The following OSBPL6 variants were observed in gnomAD, a reference collection of about 807,000 sequenced individuals.
OSBPL6 encodes the protein oxysterol binding protein like 6, also known as oxysterol-binding protein-related protein 6.
In OSBPL6, 49 loss-of-function variants were observed where a neutral mutation model predicts 125.8. The ratio of observed to expected loss-of-function variants is 0.39; its 90% CI spans 0.31 to 0.49. The LOEUF (loss-of-function observed/expected upper bound fraction) is 0.49. Ranked by LOEUF, OSBPL6 falls within the 20% of genes least tolerant of loss-of-function variation. OSBPL6 has a pLI of 0.88. For missense variants in OSBPL6, 986 were observed against 1,135.4 expected (o/e 0.87, Z 1.89); for synonymous variants, 394 against 391.8 (o/e 1.01, Z -0.07).
intron 4 of OSBPL6, among the ~76,000 whole-genome samples, chr2:178,327,865 C>A (rs1434084): frequency 0.61 from 93,140 of 151,936 alleles, 29,506 homozygotes; most frequent in East Asian, 0.71. Context: ...AAAGCCAGGT[C>A]CACACACTAA....
Position 178,395,703 on chromosome 2 carries a change from T to C in OSBPL6, c.*144T>C. ...TTCTATTCATCTTTATAATGGACTT[T>C]CAGAAGTGCATTAGACAAGGCCCCT... On this transcript the variant is annotated 3_prime_UTR_variant, in exon 25 of 25. Coordinates refer to ENST00000190611, the MANE Select transcript of OSBPL6 (RefSeq NM_032523.4). 1 of 616,804 alleles carries C rather than the reference T, an allele frequency of 1.6e-6. No individual in the cohort carries two copies. The highest frequency in any genetic ancestry group is 1.7e-5 in the South Asian group (1 of 59,362). The allele number at this position is 616,804 out of a possible 1,614,324, so 38.2% of individuals were successfully genotyped here.
At chr2:178,260,375 GTA>G (rs2092019684) in intron 1 of OSBPL6, among the ~76,000 whole-genome samples, 1 of 152,060 alleles carries the variant, frequency 6.6e-6, no homozygotes, top group African/African-American at 2.4e-5. Context: ...ATATGTATAT[GTA>G]TATGTGTATG....
chr2:178,215,867 G>A (rs2090072726), intron 1 of OSBPL6, among the ~76,000 whole-genome samples: 2 of 152,138 alleles, frequency 1.3e-5, no homozygotes, highest in African/African-American at 4.8e-5. Flanking sequence ...AGGTGAAGGG[G>A]ACAAAAGATA....
chr2:178,195,100 C>A (rs1288909175), intron 1 of OSBPL6, among the ~76,000 whole-genome samples: 1 of 152,186 alleles, frequency 6.6e-6, no homozygotes, highest in South Asian at 2.1e-4. Flanking sequence ...AAAACCGAAC[C>A]GGCGCGGGTG....
intron 1 of OSBPL6, among the ~76,000 whole-genome samples, chr2:178,255,556 A>G (rs1028415664): frequency 6.6e-6 from 1 of 152,188 alleles, no homozygotes; most frequent in Non-Finnish European, 1.5e-5. Context: ...GTTCTCTGGT[A>G]TCAATACCAT....
intron 1 of OSBPL6, among the ~76,000 whole-genome samples, chr2:178,276,697 C>T (rs1387292746): frequency 2.0e-5 from 3 of 151,998 alleles, no homozygotes; most frequent in Non-Finnish European, 2.9e-5. Flanking sequence ...TATAAGTTTC[C>T]CTGAACTTCT....
chr2:178,209,679 T>A (rs1429980956), intron 1 of OSBPL6, among the ~76,000 whole-genome samples: 3 of 151,856 alleles, frequency 2.0e-5, no homozygotes, highest in Non-Finnish European at 1.5e-5. Flanking sequence ...GGGAGCTGAT[T>A]TGAGAGCTTC....
intron 1 of OSBPL6, among the ~76,000 whole-genome samples, chr2:178,227,244 C>A (rs1273207077): frequency 6.6e-6 from 1 of 152,166 alleles, no homozygotes; most frequent in Non-Finnish European, 1.5e-5. Context: ...AAATGCAAGT[C>A]ACTGCCATAA....
intron 13 of OSBPL6, among the ~76,000 whole-genome samples, chr2:178,370,941 A>G (rs747345974): frequency 2.0e-5 from 3 of 152,214 alleles, no homozygotes; most frequent in Non-Finnish European, 4.4e-5. Context: ...TCCATGCTCA[A>G]GGAGTAAGCA....
In OSBPL6 at chr2:178,394,424, A is replaced by C; in HGVS notation, c.2685A>C (p.Pro895=). The C allele has an allele frequency of 6.2e-7, 1 of 1,607,862 alleles. No individual in the cohort carries two copies. Among genetic ancestry groups the C allele is most frequent in the Non-Finnish European group, 8.5e-7 (1 of 1,178,478 alleles). The stretch of plus-strand genomic sequence containing the variant: ...AAGAAAACAATCTTGAACATATACC[A>C]AAATTTTTTAAGTAAGTCAGTTAAC... The part of the protein sequence containing the change: ...YMEENNLEHI[P]KFFKKVIDAN... Residue 895 remains proline (P), a synonymous_variant, in exon 24 of 25, where the codon CCA becomes CCC. Transcript: ENST00000190611.
intron 12 of OSBPL6, among the ~76,000 whole-genome samples, chr2:178,350,816 A>T (rs1378055715): frequency 2.6e-5 from 4 of 152,232 alleles, no homozygotes; most frequent in Non-Finnish European, 5.9e-5. Context: ...TGTGAGTTGA[A>T]TATATGAGTA....
At position 178,349,397 on chromosome 2, in the gene OSBPL6, C is replaced by A; in HGVS notation, c.1153+8C>A. ...GTCTAATCGCACAGAAAGGTAAGAA[C>A]AAAAATAATGCGCCCTTTAAAGAAG... On this transcript the variant is annotated splice_region_variant and intron_variant, in intron 12 of 24. Transcript: ENST00000190611. 6.2e-7 allele frequency: 1 copy of A among 1,612,556 alleles called. No individual in the cohort carries two copies. Among genetic ancestry groups the A allele is most frequent in the South Asian group, 1.1e-5 (1 of 90,910 alleles).
chr2:178,288,975 T>G (rs1052179156), intron 2 of OSBPL6, among the ~76,000 whole-genome samples: 4 of 149,478 alleles, frequency 2.7e-5, no homozygotes, highest in African/African-American at 9.8e-5. Context: ...TTATTAAGAC[T>G]TTTTTCTTCT....
chr2:178,287,149 TAAAAA>T lies in OSBPL6; in HGVS notation c.-156+2044_-156+2048del, dbSNP rs66530877. 8.4e-3 allele frequency among the ~76,000 whole-genome samples: 1,056 copies of T among 125,468 alleles called. 14 individuals carry two copies. The highest frequency in any genetic ancestry group is 0.027 in the African/African-American group (999 of 37,310). 82.3% of individuals were successfully genotyped at this position (125,468 alleles called of 152,430 possible). On this transcript the variant is annotated intron_variant, in intron 2 of 24. Transcript: ENST00000190611. ...CCTAAAACAATGGTTCTTCTTTTTT[TAAAAA>T]AAAAAAAAAAAAAAACAAATTATTT... is the stretch of plus-strand genomic sequence containing the variant.
At chr2:178,315,389 A>G (rs1687644865) in intron 3 of OSBPL6, among the ~76,000 whole-genome samples, 1 of 152,164 alleles carries the variant, frequency 6.6e-6, no homozygotes, top group African/African-American at 2.4e-5. Flanking sequence ...ATATTTTATG[A>G]GTTTGTGTGT....
chr2:178,249,958 G>T lies in OSBPL6; in HGVS notation c.-350-34969G>T, dbSNP rs376610097. 3.6e-4 allele frequency among the ~76,000 whole-genome samples: 55 copies of T among 151,758 alleles called. No individual in the cohort carries two copies. The South Asian group carries it at 0.011, about 29-fold the overall frequency. On this transcript the variant is annotated intron_variant, in intron 1 of 24. Transcript: ENST00000190611. ...TTGCCTACTAGACATCTTTGTTAAG[G>T]TCACCAATAGACATTTCAAACTTTA...
In OSBPL6 at chr2:178,395,772, TAA is replaced by T. The variant is rs746653123; in HGVS notation, c.*240_*241del. Reference sequence around the variant, plus strand: ...TCTGTTTTGCTGCAACCATATTCCTTAAAAAAAAAAAAAAAAAAAAAAAAAAA... The same window carrying T: ...TCTGTTTTGCTGCAACCATATTCCTTAAAAAAAAAAAAAAAAAAAAAAAAA... On this transcript the variant is annotated 3_prime_UTR_variant, in exon 25 of 25. Coordinates refer to ENST00000190611, the MANE Select transcript of OSBPL6 (RefSeq NM_032523.4). 0.1 allele frequency: 23,983 copies of T among 230,904 alleles called. 274 individuals are homozygous for T. The highest frequency in any genetic ancestry group is 0.14 in the East Asian group (1,128 of 8,106). 14.3% of individuals were successfully genotyped at this position (230,904 alleles called of 1,614,324 possible).
chr2:178,300,083 A>T (rs1686142248), intron 2 of OSBPL6, among the ~76,000 whole-genome samples: 2 of 152,256 alleles, frequency 1.3e-5, no homozygotes. Context: ...AGAGGACTAA[A>T]CCCTAATTTT....
chr2:178,379,335 G>A (rs1459858066), intron 15 of OSBPL6, among the ~76,000 whole-genome samples: 1 of 50,670 alleles, frequency 2.0e-5, no homozygotes, highest in Non-Finnish European at 3.8e-5. Context: ...GGAAAGGAAG[G>A]GAGGGAGGGA....
Sources: gnomAD v4.1 joint callset for allele counts (sites outside exome capture counted in the v4.1 genomes callset) on GRCh38, gnomAD v4.1.1 for gene constraint, MANE v1.5 for transcripts, NCBI Gene and HGNC (gene_info 2026-07-23, HGNC 2026-07-21) for gene names.